GFOD1: variants seen among roughly 807,000 people sequenced by gnomAD.
The protein encoded by GFOD1 is Gfo/Idh/MocA-like oxidoreductase domain containing 1, also known as glucose-fructose oxidoreductase domain-containing protein 1.
A neutral mutation model predicts 25.4 loss-of-function variants in GFOD1; 9 were observed. The ratio of observed to expected loss-of-function variants is 0.35; its 90% CI spans 0.21 to 0.62. The LOEUF is 0.62. Ranked by LOEUF, GFOD1 falls within the 20% of genes least tolerant of loss-of-function variation. The pLI is 0.72. For missense variants in GFOD1, 403 were observed against 556.9 expected (o/e 0.72, Z 2.78); for synonymous variants, 253 against 245.6 (o/e 1.03, Z -0.28).
In GFOD1 at chr6:13,365,878, CAATAATAATAATAATAATAAT is replaced by C. The variant is rs58256557; in HGVS notation, c.254-237_254-217del. On this transcript the variant is annotated intron_variant, in intron 1 of 1. Coordinates refer to ENST00000379287, the MANE Select transcript of GFOD1 (RefSeq NM_018988.4). This position sits in a 1 kb window ranked among gnomAD's most constrained non-coding sequence, Gnocchi z 9.2. ...TGGGTAACACAGAGAGATCCTGTCT[CAATAATAATAATAATAATAAT>C]AATAATAATAATAATAATAATAATG... Among the ~76,000 whole-genome samples, 5 of 133,912 alleles carry C rather than the reference CAATAATAATAATAATAATAAT, an allele frequency of 3.7e-5. No individual in the cohort carries two copies. Among genetic ancestry groups the C allele is most frequent in the Admixed American group, 2.3e-4 (3 of 13,148 alleles). 87.9% of individuals were successfully genotyped at this position (133,912 alleles called of 152,430 possible).
At chr6:13,442,414 G>C (rs965397211) in intron 1 of GFOD1, among the ~76,000 whole-genome samples, 1 of 152,022 alleles carries the variant, frequency 6.6e-6, no homozygotes, top group Non-Finnish European at 1.5e-5. Flanking sequence ...CAATATTTCA[G>C]ACTTTTTCAT....
intron 1 of GFOD1, among the ~76,000 whole-genome samples, chr6:13,454,276 G>A (rs967330128): frequency 2.6e-5 from 4 of 152,064 alleles, no homozygotes; most frequent in African/African-American, 9.7e-5. Flanking sequence ...CTCCAGAACT[G>A]AAAAAAATTA....
Position 13,430,670 on chromosome 6 carries a change from G to A in GFOD1, c.253+55968C>T, listed in dbSNP as rs1562216966. On this transcript the variant is annotated intron_variant, in intron 1 of 1. Coordinates refer to ENST00000379287, the MANE Select transcript of GFOD1 (RefSeq NM_018988.4). This position sits in a 1 kb window ranked among gnomAD's most constrained non-coding sequence, Gnocchi z 4.1. ...AAGCTCTTGGAGTCCACCTATGGCA[G>A]GAGTAGTGGGACAGCGGGTAGGGAA... Among the ~76,000 whole-genome samples the A allele has an allele frequency of 6.6e-6, 1 of 152,104 alleles. No individual in the cohort carries two copies. Among genetic ancestry groups the A allele is most frequent in the Non-Finnish European group, 1.5e-5 (1 of 68,020 alleles).
At chr6:13,470,729 G>C (rs1339767630) in intron 1 of GFOD1, 1 of 1,422,382 alleles carries the variant, frequency 7.0e-7, no homozygotes, top group Non-Finnish European at 9.2e-7. Context: ...AGAAGAGCCT[G>C]CCAGGGACAC....
At chr6:13,428,101 C>T (rs960638602) in intron 1 of GFOD1, among the ~76,000 whole-genome samples, 2 of 152,214 alleles carry the variant, frequency 1.3e-5, no homozygotes, top group Non-Finnish European at 2.9e-5. Context: ...GCATCCTGGG[C>T]ACCACAGAGA....
At chr6:13,404,435 T>A (rs1318039411) in intron 1 of GFOD1, among the ~76,000 whole-genome samples, 1 of 152,216 alleles carries the variant, frequency 6.6e-6, no homozygotes, top group Admixed American at 6.5e-5. Flanking sequence ...GTTTTATAAA[T>A]CCTTTGGATT....
chr6:13,461,883 G>A (rs986473437), intron 1 of GFOD1, among the ~76,000 whole-genome samples: 4 of 152,204 alleles, frequency 2.6e-5, no homozygotes, highest in African/African-American at 9.6e-5. Flanking sequence ...AACGCCACTT[G>A]CACCCTGTGT....
chr6:13,486,434 G>C, intron 1 of GFOD1: 1 of 616,866 alleles, frequency 1.6e-6, no homozygotes, highest in Non-Finnish European at 2.8e-6. Context: ...GGTGCCAGGA[G>C]GCAGGAGGGA....
In GFOD1 at chr6:13,409,181, GAGAGAA is replaced by G. The variant is rs781679503; in HGVS notation, c.254-43525_254-43520del. 3.2e-4 allele frequency among the ~76,000 whole-genome samples: 26 copies of G among 81,206 alleles called. 4 individuals are homozygous for G. Among genetic ancestry groups the G allele is most frequent in the South Asian group, 1.5e-3 (3 of 1,970 alleles). The allele number at this position is 81,206 out of a possible 152,430, so 53.3% of individuals were successfully genotyped here. A position where few individuals can be genotyped will look rare whatever the true frequency, so the allele number is the denominator to read the frequency against. On this transcript the variant is annotated intron_variant, in intron 1 of 1. Coordinates refer to ENST00000379287, the MANE Select transcript of GFOD1 (RefSeq NM_018988.4). The stretch of plus-strand genomic sequence containing the variant: ...AAGAAAGAAAGGAAAGAGAGAGAGA[GAGAGAA>G]AGAAAGAAAGAAAGAGAAAGAAGGA...
At chr6:13,393,368 C>A (rs1187324376) in intron 1 of GFOD1, among the ~76,000 whole-genome samples, 9 of 72,492 alleles carry the variant, frequency 1.2e-4, no homozygotes, top group Non-Finnish European at 1.5e-4. Context: ...AAACAACCAC[C>A]AAAAAAAAAA....
chr6:13,424,677 G>A (rs1381836038), intron 1 of GFOD1, among the ~76,000 whole-genome samples: 1 of 151,978 alleles, frequency 6.6e-6, no homozygotes, highest in Non-Finnish European at 1.5e-5. Context: ...AGAAAGAAAT[G>A]CAAAAATATT....
At chr6:13,391,343 T>G (rs1266102888) in intron 1 of GFOD1, among the ~76,000 whole-genome samples, 2 of 151,548 alleles carry the variant, frequency 1.3e-5, no homozygotes, top group Non-Finnish European at 2.9e-5. Context: ...ATTAAAAATA[T>G]AAAAATTAGC....
chr6:13,474,196 A>G (rs754714653), intron 1 of GFOD1, among the ~76,000 whole-genome samples: 2 of 152,272 alleles, frequency 1.3e-5, no homozygotes, highest in East Asian at 3.9e-4. Flanking sequence ...CCTGACCAAC[A>G]TGGAGAAATC....
At chr6:13,470,260 A>G (rs1758470162) in intron 1 of GFOD1, 1 of 1,594,572 alleles carries the variant, frequency 6.3e-7, no homozygotes, top group Admixed American at 1.7e-5. Flanking sequence ...CATGAAGCAC[A>G]TCCCTCCTGG....
At chr6:13,385,315 CCTA>C (rs1159415219) in intron 1 of GFOD1, among the ~76,000 whole-genome samples, 1 of 152,162 alleles carries the variant, frequency 6.6e-6, no homozygotes, top group East Asian at 1.9e-4. Context: ...GAGCTCTGGT[CCTA>C]CTAAACTGCA....
chr6:13,409,140 A>AGAAG (rs1554201877), intron 1 of GFOD1, among the ~76,000 whole-genome samples: 6,438 of 49,094 alleles, frequency 0.13, 1,432 homozygotes, highest in Middle Eastern at 0.23. Flanking sequence ...AAAGAAAGAA[A>AGAAG]GAAAGAAAGA....
chr6:13,407,138 T>C (rs1369077322), intron 1 of GFOD1, among the ~76,000 whole-genome samples: 1 of 151,514 alleles, frequency 6.6e-6, no homozygotes, highest in Non-Finnish European at 1.5e-5. Flanking sequence ...ACTCTAGGGA[T>C]GGTGGCGCCA....
chr6:13,362,112 T>G lies in GFOD1; in HGVS notation c.*2631A>C, dbSNP rs958803330. ...GCCCTTCAGGCTAGCTAGAAAATAA[T>G]AATAATAATAATTCCAATGTTTCCC... On this transcript the variant is annotated 3_prime_UTR_variant, in exon 2 of 2. Transcript: ENST00000379287. 4.6e-5 allele frequency: 7 copies of G among 152,064 alleles called. No homozygotes were observed. Among genetic ancestry groups the G allele is most frequent in the African/African-American group, 1.7e-4 (7 of 41,390 alleles). The allele number at this position is 152,064 out of a possible 1,614,324, so 9.4% of individuals were successfully genotyped here.
At chr6:13,405,658 T>C (rs114446663) in intron 1 of GFOD1, among the ~76,000 whole-genome samples, 2,778 of 152,180 alleles carry the variant, frequency 0.018, 91 homozygotes, top group African/African-American at 0.061. Flanking sequence ...ATTCCAGGGT[T>C]TTGGTGGTCT....
Sources: gnomAD v4.1 joint callset for allele counts (sites outside exome capture counted in the v4.1 genomes callset) on GRCh38, gnomAD v4.1.1 for gene constraint, Gnocchi (gnomAD v3.1) non-coding constraint, MANE v1.5 for transcripts, NCBI Gene and HGNC (gene_info 2026-07-23, HGNC 2026-07-21) for gene names.